Variants in SLC16A1 observed in about 807,000 individuals in gnomAD.
SLC16A1 encodes the protein solute carrier family 16 member 1.
SLC16A1 carries 11 observed loss-of-function variants against 32.2 expected under a neutral mutation model. The observed-to-expected ratio is 0.34, with a 90% CI of 0.21 to 0.56. SLC16A1 has a LOEUF of 0.56. SLC16A1 is among the 20% of genes least tolerant of loss of function. The pLI is 0.87. For synonymous variants in SLC16A1, 231 were observed against 226.8 expected (o/e 1.02, Z -0.17); for missense variants, 435 against 615.0 (o/e 0.71, Z 3.10).
chr1:112,946,704 C>A (rs187241898), intron 1 of SLC16A1, among the ~76,000 whole-genome samples: 1 of 152,270 alleles, frequency 6.6e-6, no homozygotes, highest in African/African-American at 2.4e-5. Context: ...CAGGCATGCA[C>A]CACCACGCCC....
At chr1:112,938,258 C>A (rs113263872) in intron 1 of SLC16A1, among the ~76,000 whole-genome samples, 1 of 152,078 alleles carries the variant, frequency 6.6e-6, no homozygotes, top group African/African-American at 2.4e-5. Context: ...ACATTCAAAT[C>A]CAGAAAGGCT....
chr1:112,948,921 C>T (rs950380445), intron 1 of SLC16A1, among the ~76,000 whole-genome samples: 3 of 152,232 alleles, frequency 2.0e-5, no homozygotes, highest in Admixed American at 6.5e-5. Flanking sequence ...AGCTCCGCCT[C>T]CCGGGTTCAC....
At chr1:112,923,539 A>G (rs772467702) in intron 2 of SLC16A1, 1 of 1,142,308 alleles carries the variant, frequency 8.8e-7, no homozygotes, top group Non-Finnish European at 1.3e-6. Context: ...AGCGACAGCC[A>G]GTCCAAGACC....
chr1:112,913,098 A>ACCAGGT lies in SLC16A1; in HGVS notation c.*787_*792dup, dbSNP rs908580698. On this transcript the variant is annotated 3_prime_UTR_variant, in exon 5 of 5. Transcript: ENST00000369626. ...TAACTTTTCCAGTAAGAAAAATAAT[A>ACCAGGT]CCAGGTGATTTCAAAAAGGGCAGTG... is the stretch of plus-strand genomic sequence containing the variant. 6 of 152,238 alleles carry ACCAGGT rather than the reference A, an allele frequency of 3.9e-5. No homozygotes were observed. The highest frequency in any genetic ancestry group is 2.0e-4 in the Admixed American group (3 of 15,284). The allele number at this position is 152,238 out of a possible 1,614,324, so 9.4% of individuals were successfully genotyped here.
chr1:112,954,847 C>G (rs959371444), intron 1 of SLC16A1, among the ~76,000 whole-genome samples: 6 of 152,120 alleles, frequency 3.9e-5, no homozygotes, highest in African/African-American at 1.4e-4. Flanking sequence ...CTATGGCAAT[C>G]TGAAGGCAAA....
intron 1 of SLC16A1, among the ~76,000 whole-genome samples, chr1:112,932,530 C>T (rs11102565): frequency 0.32 from 48,941 of 151,656 alleles, 8,453 homozygotes; most frequent in East Asian, 0.64. Context: ...CGGCCAGGTG[C>T]GGTGGCTCAC....
intron 1 of SLC16A1, among the ~76,000 whole-genome samples, chr1:112,950,165 C>G (rs1649839309): frequency 6.6e-6 from 1 of 152,184 alleles, no homozygotes; most frequent in South Asian, 2.1e-4. Context: ...TTCCCCCAAA[C>G]AAGTTCACAG....
chr1:112,913,585 A>C lies in SLC16A1; in HGVS notation c.*306T>G, dbSNP rs1291971132. Reference sequence around the variant, plus strand: ...ATGGTTTAAGAAGTTAAGGCTCTCTAGAGTTCTAAAGACTAAAACTTAAGG... The same window carrying C: ...ATGGTTTAAGAAGTTAAGGCTCTCTCGAGTTCTAAAGACTAAAACTTAAGG... On this transcript the variant is annotated 3_prime_UTR_variant, in exon 5 of 5. Transcript: ENST00000369626. 1 of 352,466 alleles carries C rather than the reference A, an allele frequency of 2.8e-6. No individual in the cohort carries two copies. Among genetic ancestry groups the C allele is most frequent in the Non-Finnish European group, 5.2e-6 (1 of 191,162 alleles). The allele number at this position is 352,466 out of a possible 1,614,324, so 21.8% of individuals were successfully genotyped here.
chr1:112,929,007 CT>C (rs10627911), intron 2 of SLC16A1, 84 bp downstream of exon 2: 99,770 of 725,142 alleles, frequency 0.14, 446 homozygotes, highest in East Asian at 0.25. Context: ...CTGAATAAGA[CT>C]TTTTTTTTTT....
At chr1:112,934,408 G>A (rs1057342960) in intron 1 of SLC16A1, among the ~76,000 whole-genome samples, 10 of 152,184 alleles carry the variant, frequency 6.6e-5, no homozygotes, top group African/African-American at 2.4e-4. Context: ...GGGGAGAGGA[G>A]ACTGACTGCA....
intron 1 of SLC16A1, among the ~76,000 whole-genome samples, chr1:112,938,322 A>G (rs982652889): frequency 1.4e-4 from 21 of 152,204 alleles, no homozygotes; most frequent in African/African-American, 5.1e-4. Context: ...CTCTGTAACT[A>G]GCCCTAATGC....
rs1036500828 is a variant in SLC16A1, at chr1:112,949,702, A to AT, written c.-45+6332dup. Among the ~76,000 whole-genome samples the AT allele has an allele frequency of 5.2e-4, 78 of 150,774 alleles. 1 individual carries two copies. Among genetic ancestry groups the AT allele is most frequent in the East Asian group, 3.9e-4 (2 of 5,118 alleles). On this transcript the variant is annotated intron_variant, in intron 1 of 4. Transcript: ENST00000369626. ...TGTTTTCTTTTTTTAATATAATTTT[A>AT]TTTTTTTTTCTTAAACAAATAGAGA...
rs761988199 is a variant in SLC16A1, at chr1:112,917,425, A to C, written c.981T>G (p.Pro327=). Residue 327 remains proline, a synonymous_variant, in exon 4 of 5, where the codon CCT becomes CCG. Coordinates refer to ENST00000369626, the MANE Select transcript of SLC16A1 (RefSeq NM_003051.4). The surrounding 1 kb of genome is among the most constrained non-coding windows in gnomAD (Gnocchi z 4.1). ...GLVANTKPIR[P]RIQYFFAASV... ...AAGCCGCAAAGAAATACTGAATTCG[A>C]GGTCTTATTGGCTTTGTGTTGGCTA... The C allele has an allele frequency of 3.1e-5, 50 of 1,614,202 alleles. No individual in the cohort carries two copies. In the East Asian group the frequency reaches 1.1e-3, roughly 35 times the overall value.
Position 112,917,215 on chromosome 1 carries a change from C to T in SLC16A1, c.1191G>A (p.Val397=). The T allele has an allele frequency of 6.2e-7, 1 of 1,614,160 alleles. No individual in the cohort carries two copies. The highest frequency in any genetic ancestry group is 8.5e-7 in the Non-Finnish European group (1 of 1,180,024). ...GCCCCAGGAGGACAGGACAGCATTC[C>T]ACAATGGTCACCAATCCCACAGCGC... ...FSSAVGLVTI[V]ECCPVLLGPP... is the part of the protein sequence containing the mutation. The change falls in exon 4 of 5, where the codon GTG becomes GTA. Residue 397 remains valine (V), a synonymous_variant. Transcript: ENST00000369626. The surrounding 1 kb of genome is among the most constrained non-coding windows in gnomAD (Gnocchi z 4.1).
At chr1:112,942,118 C>T (rs905987353) in intron 1 of SLC16A1, among the ~76,000 whole-genome samples, 1 of 151,906 alleles carries the variant, frequency 6.6e-6, no homozygotes. Flanking sequence ...ATTACAGGCG[C>T]GTGCCACCAT....
chr1:112,929,174 T>C lies in SLC16A1; in HGVS notation c.135A>G (p.Lys45=), dbSNP rs1649038576. The C allele has an allele frequency of 6.2e-7, 1 of 1,613,912 alleles. No homozygotes were observed. Among genetic ancestry groups the C allele is most frequent in the African/African-American group, 1.3e-5 (1 of 74,906 alleles). Residue 45 remains lysine, a synonymous_variant, in exon 2 of 5, where the codon AAA becomes AAG. Transcript: ENST00000369626. The part of the protein sequence containing the change: ...AFPKSITVFF[K]EIEGIFHATT... ...TGGCATGGAATATACCTTCAATCTCTTTGAAGAAGACAGTAATTGATTTGG... is the reference window on the plus strand; with the variant it reads ...TGGCATGGAATATACCTTCAATCTCCTTGAAGAAGACAGTAATTGATTTGG...
At chr1:112,939,159 G>A (rs112671350) in intron 1 of SLC16A1, among the ~76,000 whole-genome samples, 23,402 of 151,984 alleles carry the variant, frequency 0.15, 2,409 homozygotes, top group Non-Finnish European at 0.23. Flanking sequence ...CCAAAGTGCT[G>A]GGATTACAGG....
At chr1:112,955,781 C>A (rs1176540273) in intron 1 of SLC16A1, 1 of 152,426 alleles carries the variant, frequency 6.6e-6, no homozygotes, top group Non-Finnish European at 1.5e-5. Flanking sequence ...CTCGGCCAGG[C>A]CTGGGACCGG....
chr1:112,940,349 C>A (rs1444017291), intron 1 of SLC16A1, among the ~76,000 whole-genome samples: 1 of 152,060 alleles, frequency 6.6e-6, no homozygotes, highest in Non-Finnish European at 1.5e-5. Context: ...CTGATAGTTT[C>A]ATGATGATTA....
Sources: gnomAD v4.1 joint callset for allele counts (sites outside exome capture counted in the v4.1 genomes callset) on GRCh38, gnomAD v4.1.1 for gene constraint, Gnocchi (gnomAD v3.1) non-coding constraint, MANE v1.5 for transcripts, NCBI Gene and HGNC (gene_info 2026-07-23, HGNC 2026-07-21) for gene names.